The following RNF180 variants were observed in gnomAD, a reference collection of about 807,000 sequenced individuals.
RNF180 encodes E3 ubiquitin-protein ligase RNF180.
In RNF180, 38 loss-of-function variants were observed where a neutral mutation model predicts 59.2. The observed-to-expected ratio is 0.64, with a 90% CI of 0.50 to 0.84. The LOEUF is 0.84. RNF180 is among the 40% of genes least tolerant of loss of function. The pLI is 0.00. For synonymous variants in RNF180, 262 were observed against 240.3 expected, an observed-to-expected ratio of 1.09 and a Z score of -0.84; for missense variants, 705 against 700.9, an observed-to-expected ratio of 1.01 and a Z score of -0.07.
chr5:64,264,767 A>C (rs1273851904), intron 5 of RNF180, among the ~76,000 whole-genome samples: 2 of 152,132 alleles, frequency 1.3e-5, no homozygotes, highest in African/African-American at 4.8e-5. Context: ...TGCTGGGTCA[A>C]ATGGTATTTT....
chr5:64,333,157 G>A (rs1744984509), intron 7 of RNF180, among the ~76,000 whole-genome samples: 1 of 152,090 alleles, frequency 6.6e-6, no homozygotes, highest in Non-Finnish European at 1.5e-5. Context: ...GTATAGATAG[G>A]TTTTATTTTT....
At chr5:64,228,531 C>T (rs1024575272) in intron 5 of RNF180, among the ~76,000 whole-genome samples, 2 of 151,908 alleles carry the variant, frequency 1.3e-5, no homozygotes, top group African/African-American at 4.8e-5. Flanking sequence ...AAATAAAATG[C>T]CAAATTTGAG....
At chr5:64,259,737 A>G (rs530119468) in intron 5 of RNF180, among the ~76,000 whole-genome samples, 1 of 152,238 alleles carries the variant, frequency 6.6e-6, no homozygotes, top group South Asian at 2.1e-4. Flanking sequence ...AGCCCGACCA[A>G]CATGGAGAAG....
chr5:64,358,687 T>A (rs969739779), intron 7 of RNF180, among the ~76,000 whole-genome samples: 1 of 151,450 alleles, frequency 6.6e-6, no homozygotes, highest in Non-Finnish European at 1.5e-5. Context: ...CATGTGCACA[T>A]TGTGCAGGTT....
chr5:64,315,027 TTGAG>T (rs1424272912), intron 5 of RNF180, among the ~76,000 whole-genome samples: 1 of 152,154 alleles, frequency 6.6e-6, no homozygotes, highest in African/African-American at 2.4e-5. Flanking sequence ...TCTTTGCACT[TTGAG>T]TGGTTCATTT....
At chr5:64,309,543 G>GA (rs1743648726) in intron 5 of RNF180, among the ~76,000 whole-genome samples, 1 of 151,416 alleles carries the variant, frequency 6.6e-6, no homozygotes, top group South Asian at 2.1e-4. Context: ...TATTTTGGTA[G>GA]AAAATACTAA....
chr5:64,331,690 C>T (rs578079440), intron 7 of RNF180, among the ~76,000 whole-genome samples: 1 of 152,292 alleles, frequency 6.6e-6, no homozygotes, highest in South Asian at 2.1e-4. Context: ...GACAAGAACT[C>T]AGGACCTGCT....
At chr5:64,286,011 A>G (rs975858321) in intron 5 of RNF180, among the ~76,000 whole-genome samples, 4 of 151,386 alleles carry the variant, frequency 2.6e-5, no homozygotes, top group African/African-American at 9.7e-5. Flanking sequence ...CACCTGCTCA[A>G]CCCCCCCTTC....
chr5:64,276,648 C>T (rs1431806796), intron 5 of RNF180, among the ~76,000 whole-genome samples: 1 of 151,362 alleles, frequency 6.6e-6, no homozygotes. Context: ...GGATTTCTCA[C>T]CTACCTAGAA....
intron 2 of RNF180, among the ~76,000 whole-genome samples, chr5:64,203,122 A>T (rs1303825878): frequency 6.6e-6 from 1 of 152,198 alleles, no homozygotes; most frequent in Non-Finnish European, 1.5e-5. Context: ...TGTAGGATGT[A>T]TTGGGATGGA....
intron 7 of RNF180, among the ~76,000 whole-genome samples, chr5:64,347,874 T>A (rs1745616133): frequency 1.3e-5 from 2 of 152,136 alleles, no homozygotes; most frequent in Admixed American, 6.6e-5. Flanking sequence ...ATGCTGGCAA[T>A]GAAGTGGTTT....
At chr5:64,214,604 A>G (rs1752518082) in intron 4 of RNF180, 87 bp downstream of exon 4, 1 of 1,223,982 alleles carries the variant, frequency 8.2e-7, no homozygotes, top group African/African-American at 1.5e-5. Flanking sequence ...CATCTGTATA[A>G]TAAAAACTTG....
At chr5:64,212,799 A>G (rs1752378387) in intron 3 of RNF180, among the ~76,000 whole-genome samples, 1 of 152,224 alleles carries the variant, frequency 6.6e-6, no homozygotes, top group South Asian at 2.1e-4. Flanking sequence ...TTAGAAAATT[A>G]TAAGTAGTAG....
chr5:64,274,995 G>A (rs1412559112), intron 5 of RNF180, among the ~76,000 whole-genome samples: 1 of 151,904 alleles, frequency 6.6e-6, no homozygotes, highest in African/African-American at 2.4e-5. Flanking sequence ...GACTGATATG[G>A]AAGTTAGCAT....
At chr5:64,172,686 C>G (rs558214430) in intron 1 of RNF180, among the ~76,000 whole-genome samples, 18 of 152,266 alleles carry the variant, frequency 1.2e-4, no homozygotes, top group Non-Finnish European at 2.5e-4. Flanking sequence ...ATGAAATACT[C>G]TTAGGATGCC....
At chr5:64,262,191 G>T (rs1744380280) in intron 5 of RNF180, among the ~76,000 whole-genome samples, 1 of 152,050 alleles carries the variant, frequency 6.6e-6, no homozygotes, top group Non-Finnish European at 1.5e-5. Flanking sequence ...CAAATAGGAA[G>T]ATTAAAGGGG....
At position 64,214,118 on chromosome 5, in the gene RNF180, T is replaced by A; in HGVS notation, c.792T>A (p.Ile264=). 1 of 1,614,120 alleles carries A rather than the reference T, an allele frequency of 6.2e-7. No homozygotes were observed. Among genetic ancestry groups the A allele is most frequent in the Non-Finnish European group, 8.5e-7 (1 of 1,180,006 alleles). ...AYSRLNETQP[I]DLSGLPLQSS... is the part of the protein sequence containing the mutation. ...CCAGACTAAATGAAACACAGCCTAT[T>A]GACCTTTCAGGCTTGCCTTTACAAT... The change falls in exon 4 of 8, where the codon ATT becomes ATA. Residue 264 remains isoleucine (I), a synonymous_variant. Transcript: ENST00000389100.
At chr5:64,178,291 A>G (rs1056049025) in intron 1 of RNF180, among the ~76,000 whole-genome samples, 1 of 151,936 alleles carries the variant, frequency 6.6e-6, no homozygotes, top group Non-Finnish European at 1.5e-5. Flanking sequence ...GGGAATATAT[A>G]TACCCCAGCC....
intron 7 of RNF180, 47 bp from the exon 8 acceptor site, chr5:64,369,568 C>A: frequency 8.4e-7 from 1 of 1,195,846 alleles, no homozygotes; most frequent in Non-Finnish European, 1.1e-6. Context: ...CTTTTCTGAG[C>A]ACTAGCTTGA....
Sources: allele counts gnomAD v4.1 joint callset (sites outside exome capture counted in the v4.1 genomes callset), GRCh38; gene constraint gnomAD v4.1.1; transcripts MANE v1.5; gene names NCBI Gene and HGNC (gene_info 2026-07-23, HGNC 2026-07-21).